The following OASL variants were observed in gnomAD, a reference collection of about 807,000 sequenced individuals.
The protein encoded by OASL is 2'-5'-oligoadenylate synthase-like protein.
In OASL, 28 loss-of-function variants were observed where a neutral mutation model predicts 35.3. That is an observed-to-expected ratio of 0.79 (90% CI 0.59 to 1.09). The LOEUF (loss-of-function observed/expected upper bound fraction) is 1.09, where lower values mean the gene tolerates loss of function less well. OASL is among the 50% of genes least tolerant of loss of function. The pLI is 0.00. For synonymous variants in OASL, 252 were observed against 254.6 expected (o/e 0.99, Z 0.10); for missense variants, 620 against 635.2 (o/e 0.98, Z 0.26).
chr12:121,035,540 C>CAAAACAAAACCAAACAACA (rs1555216047), intron 1 of OASL, among the ~76,000 whole-genome samples: 6 of 42,992 alleles, frequency 1.4e-4, no homozygotes, highest in African/African-American at 6.3e-4. Context: ...AACAAAACAA[C>CAAAACAAAACCAAACAACA]AAAAAAAAAC....
At chr12:121,034,646 C>G (rs1262450789) in intron 1 of OASL, among the ~76,000 whole-genome samples, 1 of 152,104 alleles carries the variant, frequency 6.6e-6, no homozygotes, top group East Asian at 1.9e-4. Flanking sequence ...AATGGAGCAG[C>G]CTGAAAAAGA....
chr12:121,032,489 A>G (rs1279550546), intron 2 of OASL, among the ~76,000 whole-genome samples: 1 of 152,124 alleles, frequency 6.6e-6, no homozygotes, highest in Non-Finnish European at 1.5e-5. Context: ...GCCCCCAACC[A>G]GTGACGGCTG....
chr12:121,032,983 T>A (rs949360806), intron 2 of OASL, among the ~76,000 whole-genome samples: 7 of 152,152 alleles, frequency 4.6e-5, no homozygotes, highest in Admixed American at 1.3e-4. Flanking sequence ...TGGAGTGCAA[T>A]GGCGCGATCT....
At chr12:121,033,567 G>A (rs1309294193) in exon 2 of OASL, 2 of 1,614,162 alleles carry the variant, frequency 1.2e-6, no homozygotes, top group Non-Finnish European at 1.7e-6. Flanking sequence ...CCATCCTCAG[G>A]TCCTCGAGCC....
chr12:121,038,249 G>A (rs1293750830), intron 1 of OASL, among the ~76,000 whole-genome samples: 2 of 152,132 alleles, frequency 1.3e-5, no homozygotes, highest in Admixed American at 6.5e-5. Flanking sequence ...AGGCACCAAG[G>A]AACTTTGTCC....
chr12:121,027,779 A>G, exon 4 of OASL: 2 of 1,614,094 alleles, frequency 1.2e-6, no homozygotes, highest in Non-Finnish European at 1.7e-6. Flanking sequence ...GAGCATAGAG[A>G]GGGGGCAGAT....
At chr12:121,021,291 T>C (rs1869226504) in intron 5 of OASL, among the ~76,000 whole-genome samples, 1 of 152,184 alleles carries the variant, frequency 6.6e-6, no homozygotes, top group Non-Finnish European at 1.5e-5. Flanking sequence ...GTTACCCCCA[T>C]GTTATTGATG....
intron 5 of OASL, among the ~76,000 whole-genome samples, chr12:121,022,246 C>A (rs1239049040): frequency 6.6e-6 from 1 of 152,142 alleles, no homozygotes; most frequent in African/African-American, 2.4e-5. Flanking sequence ...GCCACCACAC[C>A]CAGCTAATTT....
At chr12:121,027,710 C>A (rs1193813876) in exon 4 of OASL, 2 of 1,614,128 alleles carry the variant, frequency 1.2e-6, no homozygotes, top group Non-Finnish European at 1.7e-6. Flanking sequence ...CTTCGTCCAA[C>A]ATGAAATTCT....
At chr12:121,033,919 G>A (rs1015027162) in intron 1 of OASL, among the ~76,000 whole-genome samples, 176 bp from the exon 2 acceptor site, 5 of 152,132 alleles carry the variant, frequency 3.3e-5, no homozygotes, top group African/African-American at 1.2e-4. Context: ...GGAGGATCTC[G>A]AGACATGGGA....
chr12:121,036,738 G>A (rs1162657210), intron 1 of OASL, among the ~76,000 whole-genome samples: 1 of 152,184 alleles, frequency 6.6e-6, no homozygotes. Flanking sequence ...TCTCAAGTTT[G>A]TTGGGGAGGG....
chr12:121,020,871 G>C (rs1308574082), exon 6 of OASL: 2 of 1,614,054 alleles, frequency 1.2e-6, no homozygotes, highest in Non-Finnish European at 1.7e-6. Context: ...TTTGGCTAAG[G>C]AGCACCTGCT....
intron 4 of OASL, among the ~76,000 whole-genome samples, chr12:121,024,971 C>CTTTTTT (rs751576824): frequency 2.0e-4 from 13 of 63,570 alleles, no homozygotes; most frequent in Non-Finnish European, 2.5e-4. Context: ...CCCTAAGTTC[C>CTTTTTT]TTTTTTTTTT....
intron 4 of OASL, among the ~76,000 whole-genome samples, chr12:121,027,305 GA>G (rs11307154): frequency 0.67 from 102,315 of 152,044 alleles, 36,420 homozygotes; most frequent in East Asian, 0.99. Context: ...ACAAAGCACT[GA>G]AATGGTCTTC....
rs573969486 is a variant in OASL at position 121,037,541 on chromosome 12, G to A, written c.198+1233C>T. 1.8e-3 allele frequency among the ~76,000 whole-genome samples: 261 copies of A among 149,142 alleles called. 2 individuals are homozygous for A. The highest frequency in any genetic ancestry group is 6.0e-3 in the African/African-American group (243 of 40,412). ...TGTAATCCCAGCACTTTGGGAGGCC[G>A]AGGAGGGCAGATCATGAGGTCAGGA... On this transcript the variant is annotated intron_variant, in intron 1 of 5. Transcript: ENST00000257570.
In OASL at chr12:121,027,831, T is replaced by C. The variant is rs1288145335; in HGVS notation, c.658-14A>G. 1 of 1,607,636 alleles carries C rather than the reference T, an allele frequency of 6.2e-7. No homozygotes were observed. The highest frequency in any genetic ancestry group is 8.5e-7 in the Non-Finnish European group (1 of 1,174,758). On this transcript the variant is annotated splice_polypyrimidine_tract_variant and intron_variant, in intron 3 of 5. Transcript: ENST00000257570. Reference sequence around the variant, plus strand: ...GGCTTTCACATACTGTTGAAAGAGATGGGAAGACAGAGAGAGAGAGACCCT... The same window carrying C: ...GGCTTTCACATACTGTTGAAAGAGACGGGAAGACAGAGAGAGAGAGACCCT...
In OASL at chr12:121,031,603, TGGGAA is replaced by T. The variant is rs766549313; in HGVS notation, c.491_495del (p.Leu164GlnfsTer7). 42 of 1,613,078 alleles carry T rather than the reference TGGGAA, an allele frequency of 2.6e-5. 1 individual carries two copies. In the Middle Eastern group the frequency reaches 5.0e-4, roughly 19 times the overall value. ...TAGACCTCAGGGGGTGGCTGGGAGTTGGGAAGAGAAGGCCCTGAGGAGTGAAGGAG... is the reference window on the plus strand; with the variant it reads ...TAGACCTCAGGGGGTGGCTGGGAGTTGAGAAGGCCCTGAGGAGTGAAGGAG... On this transcript the variant is annotated frameshift_variant, in exon 3 of 6. Transcript: ENST00000257570. LOFTEE classifies it high-confidence loss of function.
intron 3 of OASL, 27 bp downstream of exon 3, chr12:121,031,415 C>A (rs770990398): frequency 5.6e-6 from 9 of 1,607,712 alleles, no homozygotes; most frequent in Non-Finnish European, 5.9e-6. Flanking sequence ...CCTCTCCTTG[C>A]CCCTGCCATC....
chr12:121,033,729 C>A (rs28360476), exon 2 of OASL: 1,722 of 1,612,684 alleles, frequency 1.1e-3, no homozygotes, highest in Admixed American at 1.9e-3. Flanking sequence ...CCGTGCCATT[C>A]CCGAAGGAGC....
Sources: gnomAD v4.1 joint callset for allele counts (sites outside exome capture counted in the v4.1 genomes callset) on GRCh38, gnomAD v4.1.1 for gene constraint, MANE v1.5 for transcripts, NCBI Gene and HGNC (gene_info 2026-07-23, HGNC 2026-07-21) for gene names.